Variants in RBL2 observed in about 807,000 individuals in gnomAD.
RBL2 encodes retinoblastoma-like protein 2.
A neutral mutation model predicts 126.0 loss-of-function variants in RBL2; 56 were observed. The ratio of observed to expected loss-of-function variants is 0.44; its 90% confidence interval spans 0.36 to 0.56. The LOEUF is 0.56. Among genes scored for constraint, RBL2 ranks in the 20% least tolerant of loss-of-function variants. The pLI is 0.00. For synonymous variants in RBL2, 454 were observed against 478.5 expected, an observed-to-expected ratio of 0.95 and a Z score of 0.67; for missense variants, 1,229 against 1,398.2, an observed-to-expected ratio of 0.88 and a Z score of 1.93.
In RBL2 at chr16:53,435,075, T is replaced by C. The variant is rs148322088; in HGVS notation, c.240+279T>C. Among the ~76,000 whole-genome samples the C allele has an allele frequency of 4.5e-3, 686 of 151,914 alleles. 2 individuals are homozygous for C. Among genetic ancestry groups the C allele is most frequent in the African/African-American group, 0.016 (665 of 41,454 alleles). ...CTGGGGTCCCGTTGAGGAAAATGGGTGTGTGTGGCCCATCTGACCCCCCGC... is the reference window on the plus strand; with the variant it reads ...CTGGGGTCCCGTTGAGGAAAATGGGCGTGTGTGGCCCATCTGACCCCCCGC... On this transcript the variant is annotated intron_variant, in intron 1 of 21. Coordinates refer to ENST00000262133, the MANE Select transcript of RBL2 (RefSeq NM_005611.4).
chr16:53,449,463 C>T (rs1014874267), intron 4 of RBL2: 5 of 151,484 alleles, frequency 3.3e-5, no homozygotes, highest in African/African-American at 9.7e-5. Context: ...GGCATGTTGG[C>T]ATATGCCTGG....
At chr16:53,459,328 T>C (rs1043098532) in intron 8 of RBL2, 123 bp from the exon 9 acceptor site, 35 of 736,832 alleles carry the variant, frequency 4.8e-5, no homozygotes, top group Admixed American at 4.5e-4. Context: ...TTTATTGATA[T>C]TGTAAAGATA....
intron 12 of RBL2, chr16:53,464,644 AAG>A: frequency 8.1e-6 from 2 of 247,684 alleles, no homozygotes; most frequent in Admixed American, 1.1e-4. Flanking sequence ...GGCTTAAAAA[AAG>A]TAGCACACAT....
chr16:53,470,453 T>C lies in RBL2; in HGVS notation c.2316T>C (p.Ala772=), dbSNP rs1280687769. The C allele has an allele frequency of 1.2e-6, 2 of 1,614,190 alleles. No homozygotes were observed. Among genetic ancestry groups the C allele is most frequent in the East Asian group, 4.5e-5 (2 of 44,868 alleles). The change falls in exon 16 of 22, where the codon GCT becomes GCC. Residue 772 remains alanine (A), a synonymous_variant. Transcript: ENST00000262133. ...VQVNVGGQAQ[A]VTGSIQPLSA... ...TCAATGTTGGGGGGCAGGCACAAGC[T>C]GTGACAGGCTCCATCCAGCCCCTCA...
chr16:53,484,008 G>A (rs942464626), intron 21 of RBL2, among the ~76,000 whole-genome samples: 6 of 149,566 alleles, frequency 4.0e-5, no homozygotes, highest in African/African-American at 1.5e-4. Context: ...AATAAATGAA[G>A]ACATACCAGC....
At chr16:53,489,965 C>CTGAAAAGTAAAGTTGGCAGG in intron 21 of RBL2, 165 bp from the exon 22 acceptor site, 1 of 472,190 alleles carries the variant, frequency 2.1e-6, no homozygotes, top group Admixed American at 4.3e-5. Flanking sequence ...CCTCAGCCAG[C>CTGAAAAGTAAAGTTGGCAGG]TGAAAAGTAA....
Position 53,466,449 on chromosome 16 carries a change from A to G in RBL2, c.1864-609A>G, listed in dbSNP as rs1339484864. ...GTAATATATAATGAAATAATTATACAACTCACCAAAATGTAGAGTCAGTGG... is the reference window on the plus strand; with the variant it reads ...GTAATATATAATGAAATAATTATACGACTCACCAAAATGTAGAGTCAGTGG... On this transcript the variant is annotated intron_variant, in intron 13 of 21. Coordinates refer to ENST00000262133, the MANE Select transcript of RBL2 (RefSeq NM_005611.4). Among the ~76,000 whole-genome samples the G allele has an allele frequency of 2.6e-5, 4 of 151,974 alleles. No homozygotes were observed. In the South Asian group the frequency reaches 8.3e-4, roughly 32 times the overall value.
chr16:53,439,529 G>A (rs2057993705), intron 2 of RBL2, among the ~76,000 whole-genome samples: 1 of 152,064 alleles, frequency 6.6e-6, no homozygotes, highest in African/African-American at 2.4e-5. Flanking sequence ...CAGGACTTGT[G>A]GTCTTAATAT....
intron 4 of RBL2, chr16:53,448,971 G>A (rs1286193389): frequency 6.6e-6 from 1 of 152,236 alleles, no homozygotes; most frequent in Non-Finnish European, 1.5e-5. Context: ...TGGCTAATTA[G>A]GGTGAGAGCC....
chr16:53,467,916 A>T (rs2058286922), intron 14 of RBL2, among the ~76,000 whole-genome samples: 1 of 152,206 alleles, frequency 6.6e-6, no homozygotes. Flanking sequence ...TAGACAAGCC[A>T]GTGAGTTAAG....
intron 18 of RBL2, chr16:53,479,464 A>G (rs1960859679): frequency 5.6e-6 from 3 of 535,572 alleles, no homozygotes; most frequent in African/African-American, 1.9e-5. Flanking sequence ...AAATCACAAG[A>G]TAGGAATTAA....
chr16:53,476,997 T>C (rs1471581561), intron 17 of RBL2, among the ~76,000 whole-genome samples: 1 of 152,238 alleles, frequency 6.6e-6, no homozygotes, highest in Non-Finnish European at 1.5e-5. Flanking sequence ...GCAGCTTTGC[T>C]TTTGCATTAG....
intron 2 of RBL2, among the ~76,000 whole-genome samples, chr16:53,441,484 G>C (rs1203859133): frequency 6.6e-6 from 1 of 152,212 alleles, no homozygotes; most frequent in Admixed American, 6.5e-5. Context: ...CCATTGGTTG[G>C]GGAGTGAATG....
chr16:53,474,817 G>A lies in RBL2; in HGVS notation c.2703+3895G>A, dbSNP rs962221224. Among the ~76,000 whole-genome samples, 46 of 152,124 alleles carry A rather than the reference G, an allele frequency of 3.0e-4. 1 individual carries two copies. Among genetic ancestry groups the A allele is most frequent in the Admixed American group, 2.8e-3 (43 of 15,268 alleles). On this transcript the variant is annotated intron_variant, in intron 17 of 21. Transcript: ENST00000262133. ...CTGGTTTTATTATCAGGGTAATAAT[G>A]GTCTCATAGAATTGAGTAGGAAGTG...
rs1014601466 is a variant in RBL2 at position 53,463,320 on chromosome 16, T to C, written c.1560+665T>C. 3.9e-5 allele frequency among the ~76,000 whole-genome samples: 6 copies of C among 152,142 alleles called. No individual in the cohort carries two copies. The East Asian group carries it at 9.6e-4, about 24-fold the overall frequency. ...CTAGCCAGTCACCTGCCTGCCTGCC[T>C]TTCTGTTTTTTTGGGTTTGTTGTTG... On this transcript the variant is annotated intron_variant, in intron 11 of 21. Coordinates refer to ENST00000262133, the MANE Select transcript of RBL2 (RefSeq NM_005611.4).
At chr16:53,441,392 A>G (rs2058014771) in intron 2 of RBL2, among the ~76,000 whole-genome samples, 1 of 152,228 alleles carries the variant, frequency 6.6e-6, no homozygotes, top group African/African-American at 2.4e-5. Context: ...TAGTCCCCAA[A>G]GAAACTCCTG....
chr16:53,451,942 C>T (rs547077641), intron 5 of RBL2, 111 bp downstream of exon 5: 15 of 1,255,562 alleles, frequency 1.2e-5, no homozygotes, highest in African/African-American at 3.0e-5. Context: ...CCTGTCATTA[C>T]GGCTATCCAG....
intron 21 of RBL2, chr16:53,489,136 C>T (rs1032980624): frequency 6.6e-6 from 1 of 151,160 alleles, no homozygotes; most frequent in Admixed American, 6.6e-5. Flanking sequence ...TCATTAAAAC[C>T]CCCAAAACAT....
chr16:53,456,061 A>G (rs1238483013), intron 8 of RBL2, among the ~76,000 whole-genome samples: 1 of 152,114 alleles, frequency 6.6e-6, no homozygotes, highest in Admixed American at 6.6e-5. Flanking sequence ...CTGTGGGCCC[A>G]GCTACTTGCG....
Sources: gnomAD v4.1 joint callset for allele counts (sites outside exome capture counted in the v4.1 genomes callset) on GRCh38, gnomAD v4.1.1 for gene constraint, MANE v1.5 for transcripts, NCBI Gene and HGNC (gene_info 2026-07-23, HGNC 2026-07-21) for gene names.